Variants in CCDC171 observed in about 807,000 individuals in gnomAD.
CCDC171 encodes coiled-coil domain containing 171.
In CCDC171, 177 loss-of-function variants were observed where a neutral mutation model predicts 168.2. That is an observed-to-expected ratio of 1.05 (90% confidence interval 0.93 to 1.19). The LOEUF (loss-of-function observed/expected upper bound fraction) is 1.19. Ranked by LOEUF, CCDC171 falls within the 50% of genes most tolerant of loss-of-function variation. The pLI, the probability that CCDC171 is intolerant of heterozygous loss-of-function variation, is 0.00. For missense variants in CCDC171, 1,991 were observed against 1,539.0 expected (o/e 1.29, Z -4.91); for synonymous variants, 687 against 540.8 (o/e 1.27, Z -3.75).
chr9:16,093,325 T>G, the CCDC171 span, among the ~76,000 whole-genome samples: 1 of 152,172 alleles, frequency 6.6e-6, no homozygotes, highest in Non-Finnish European at 1.5e-5. Context: ...TACCTGATAC[T>G]GACCTTCAGG....
At chr9:15,769,681 T>C (rs758342546) in intron 18 of CCDC171, among the ~76,000 whole-genome samples, 1 of 152,124 alleles carries the variant, frequency 6.6e-6, no homozygotes, top group East Asian at 1.9e-4. Context: ...GTCATCATAG[T>C]CTCCCCCGTA....
chr9:16,011,467 C>T (rs547940772), intron 3 of CCDC171, among the ~76,000 whole-genome samples: 7 of 152,060 alleles, frequency 4.6e-5, no homozygotes, highest in Admixed American at 1.3e-4. Context: ...TCCATATAAA[C>T]TTATTATTCA....
intron 7 of CCDC171, among the ~76,000 whole-genome samples, chr9:15,639,655 G>A (rs1051947812): frequency 3.3e-5 from 5 of 151,958 alleles, no homozygotes; most frequent in Middle Eastern, 6.3e-3. Flanking sequence ...TTCTGAAACC[G>A]TTAAGGCTCT....
chr9:15,989,279 T>C (rs1411137698), intron 3 of CCDC171, among the ~76,000 whole-genome samples: 1 of 152,150 alleles, frequency 6.6e-6, no homozygotes, highest in Non-Finnish European at 1.5e-5. Flanking sequence ...CAATACTCAC[T>C]ATTCTGCAGC....
Position 15,971,570 on chromosome 9 carries a change from A to G in CCDC171, c.3754-39A>G, listed in dbSNP as rs371486862. ...TTTTAGGCTCTATTTGAGAGTTTTC[A>G]ACTCTATGTTTATTATTTTTTTCTT... is the stretch of plus-strand genomic sequence containing the variant. On this transcript the variant is annotated intron_variant, in intron 25 of 25. Coordinates refer to ENST00000380701, the MANE Select transcript of CCDC171 (RefSeq NM_173550.4). The G allele has an allele frequency of 6.9e-6, 10 of 1,442,260 alleles. No homozygotes were observed. The East Asian group carries it at 2.3e-4, about 33-fold the overall frequency. The allele number at this position is 1,442,260 out of a possible 1,614,324, so 89.3% of individuals were successfully genotyped here.
At chr9:15,968,453 A>G (rs1831013587) in intron 25 of CCDC171, among the ~76,000 whole-genome samples, 1 of 151,770 alleles carries the variant, frequency 6.6e-6, no homozygotes, top group Non-Finnish European at 1.5e-5. Context: ...TATTCTGGAT[A>G]TTTATAACAA....
intron 16 of CCDC171, among the ~76,000 whole-genome samples, chr9:15,735,288 C>T (rs922887541): frequency 6.6e-6 from 1 of 152,292 alleles, no homozygotes; most frequent in East Asian, 1.9e-4. Flanking sequence ...TCTCAAGTGT[C>T]TATGCCTACT....
At chr9:15,729,829 A>G (rs2054044252) in intron 16 of CCDC171, 31 bp downstream of exon 16, 1 of 1,583,284 alleles carries the variant, frequency 6.3e-7, no homozygotes, top group Non-Finnish European at 8.6e-7. Context: ...GCTTTAAAAA[A>G]TGGGTTACTC....
chr9:15,847,652 A>G lies in CCDC171; in HGVS notation c.3413+805A>G, dbSNP rs541541302. Among the ~76,000 whole-genome samples the G allele has an allele frequency of 1.1e-4, 17 of 152,254 alleles. No individual in the cohort carries two copies. The East Asian group carries it at 3.3e-3, about 29-fold the overall frequency. On this transcript the variant is annotated intron_variant, in intron 22 of 25. Coordinates refer to ENST00000380701, the MANE Select transcript of CCDC171 (RefSeq NM_173550.4). ...AAACGCAGTGTTTTCTAAATTTAGA[A>G]TTCTGAATTTCTTTACTTGCAAAAA...
chr9:15,691,482 C>A (rs2050772546), intron 10 of CCDC171, among the ~76,000 whole-genome samples: 1 of 141,244 alleles, frequency 7.1e-6, no homozygotes, highest in African/African-American at 2.6e-5. Context: ...GCATAATATA[C>A]TCAAAGAATT....
intron 3 of CCDC171, among the ~76,000 whole-genome samples, chr9:16,012,778 C>G (rs141045833): frequency 2.6e-5 from 4 of 152,170 alleles, no homozygotes; most frequent in Non-Finnish European, 5.9e-5. Context: ...TTGAGATATT[C>G]CCCAGTGTCT....
At chr9:15,861,056 T>A (rs1563888922) in intron 23 of CCDC171, among the ~76,000 whole-genome samples, 1 of 2,728 alleles carries the variant, frequency 3.7e-4, no homozygotes, top group Non-Finnish European at 6.9e-4. Flanking sequence ...TTTTGGCTTC[T>A]AATCCTAATC....
intron 3 of CCDC171, among the ~76,000 whole-genome samples, chr9:15,989,987 A>T (rs957964992): frequency 6.6e-6 from 1 of 152,226 alleles, no homozygotes; most frequent in African/African-American, 2.4e-5. Flanking sequence ...GAAAGGAACC[A>T]AGTTGGAAAA....
chr9:15,999,804 A>G (rs1291022870), intron 3 of CCDC171, among the ~76,000 whole-genome samples: 5 of 152,202 alleles, frequency 3.3e-5, no homozygotes, highest in Middle Eastern at 3.2e-3. Flanking sequence ...CTCTGCTCTT[A>G]GATTCCACAA....
intron 18 of CCDC171, among the ~76,000 whole-genome samples, chr9:15,746,410 A>G (rs1017159951): frequency 6.6e-6 from 1 of 152,232 alleles, no homozygotes; most frequent in African/African-American, 2.4e-5. Context: ...TAGGAAACTT[A>G]AAGATTATTT....
At chr9:15,827,449 GA>G (rs1197047212) in intron 21 of CCDC171, among the ~76,000 whole-genome samples, 1 of 152,158 alleles carries the variant, frequency 6.6e-6, no homozygotes, top group East Asian at 1.9e-4. Context: ...ACTCTAGGTT[GA>G]AGATTGAAGC....
chr9:15,756,665 T>A (rs1165385131), intron 18 of CCDC171, among the ~76,000 whole-genome samples: 1 of 152,184 alleles, frequency 6.6e-6, no homozygotes, highest in Non-Finnish European at 1.5e-5. Context: ...TTAATTTGCT[T>A]AGGATAATGG....
At chr9:15,626,368 G>C (rs1326198725) in intron 7 of CCDC171, among the ~76,000 whole-genome samples, 2 of 152,200 alleles carry the variant, frequency 1.3e-5, no homozygotes, top group Non-Finnish European at 2.9e-5. Flanking sequence ...GGAGTGGTGA[G>C]AGAGGGCATC....
chr9:16,056,362 A>G (rs1312372412), intron 1 of CCDC171, among the ~76,000 whole-genome samples: 3 of 152,256 alleles, frequency 2.0e-5, no homozygotes, highest in African/African-American at 4.8e-5. Flanking sequence ...TTGAAATGTG[A>G]TTAGTATGAC....
Sources: gnomAD v4.1 joint callset for allele counts (sites outside exome capture counted in the v4.1 genomes callset) on GRCh38, gnomAD v4.1.1 for gene constraint, MANE v1.5 for transcripts, NCBI Gene and HGNC (gene_info 2026-07-23, HGNC 2026-07-21) for gene names.